DAB1: variants seen among roughly 807,000 people sequenced by gnomAD.
The protein encoded by DAB1 is DAB adaptor protein 1.
Under a neutral mutation model 64.6 loss-of-function variants are expected in DAB1, and 15 were observed. The observed-to-expected ratio is 0.23, with a 90% CI of 0.16 to 0.36. The LOEUF (loss-of-function observed/expected upper bound fraction) is 0.36. Ranked by LOEUF, DAB1 falls within the 10% of genes least tolerant of loss-of-function variation. DAB1 has a pLI of 1.00. For synonymous variants in DAB1, 235 were observed against 251.9 expected (o/e 0.93, Z 0.64); for missense variants, 596 against 706.7 (o/e 0.84, Z 1.78).
chr1:58,049,367 T>C (rs1227051445), intron 5 of DAB1: 3 of 598,554 alleles, frequency 5.0e-6, no homozygotes, highest in Non-Finnish European at 6.0e-6. Flanking sequence ...AGCTGACGAA[T>C]GTATCTTAAC....
At chr1:57,819,278 GA>G (rs1652011300) in intron 6 of DAB1, among the ~76,000 whole-genome samples, 1 of 152,226 alleles carries the variant, frequency 6.6e-6, no homozygotes. Flanking sequence ...TGAAATATAA[GA>G]AAGTGCATCC....
chr1:58,422,671 G>C (rs930737748), intron 3 of DAB1, among the ~76,000 whole-genome samples: 6 of 150,340 alleles, frequency 4.0e-5, no homozygotes, highest in African/African-American at 1.5e-4. Flanking sequence ...GTGGCACCAG[G>C]AGGCAACTAT....
chr1:57,415,246 AACAC>A (rs111517848), intron 1 of DAB1, among the ~76,000 whole-genome samples: 2,229 of 143,312 alleles, frequency 0.016, 61 homozygotes, highest in African/African-American at 0.053. Context: ...TACCTCACAC[AACAC>A]ACACACACAC....
chr1:57,056,860 T>C (rs1033820256), intron 9 of DAB1, among the ~76,000 whole-genome samples: 1 of 151,490 alleles, frequency 6.6e-6, no homozygotes, highest in South Asian at 2.1e-4. Flanking sequence ...CGAGACTCTG[T>C]CTCAAAGGAA....
chr1:58,359,097 C>T (rs1410026514), intron 3 of DAB1, among the ~76,000 whole-genome samples: 4 of 151,988 alleles, frequency 2.6e-5, no homozygotes, highest in Non-Finnish European at 4.4e-5. Flanking sequence ...CATTAGCCAA[C>T]GATTCCATTC....
chr1:57,253,453 A>G (rs1669509746), intron 2 of DAB1, among the ~76,000 whole-genome samples: 1 of 152,100 alleles, frequency 6.6e-6, no homozygotes, highest in African/African-American at 2.4e-5. Flanking sequence ...ATGATGAACC[A>G]ACCCTCCTAA....
intron 6 of DAB1, among the ~76,000 whole-genome samples, chr1:57,695,324 G>GAAAGAAAGA (rs1646816525): frequency 9.1e-6 from 1 of 109,626 alleles, no homozygotes; most frequent in Non-Finnish European, 1.9e-5. Flanking sequence ...AAGAAAGAAA[G>GAAAGAAAGA]AAAGAAAGAA....
intron 1 of DAB1, among the ~76,000 whole-genome samples, chr1:57,873,004 C>T (rs1007919601): frequency 1.3e-5 from 2 of 152,054 alleles, no homozygotes; most frequent in Non-Finnish European, 2.9e-5. Context: ...ACTGAGCCCC[C>T]TGTTCTGATT....
intron 7 of DAB1, among the ~76,000 whole-genome samples, chr1:57,614,866 TTC>T (rs140318102): frequency 0.13 from 14,520 of 111,672 alleles, 1,187 homozygotes; most frequent in East Asian, 0.24. Context: ...CTTTCTTTCT[TTC>T]TTTTTTTTTT....
intron 1 of DAB1, among the ~76,000 whole-genome samples, chr1:57,418,555 T>G (rs1301958603): frequency 6.6e-6 from 1 of 152,236 alleles, no homozygotes; most frequent in South Asian, 2.1e-4. Context: ...CATGCTGAAC[T>G]ACTTACAACT....
At chr1:57,732,180 G>A (rs1189499780) in intron 6 of DAB1, among the ~76,000 whole-genome samples, 3 of 128,302 alleles carry the variant, frequency 2.3e-5, no homozygotes, top group Non-Finnish European at 5.4e-5. Flanking sequence ...AATTATTGTG[G>A]GGGTATCATG....
intron 4 of DAB1, among the ~76,000 whole-genome samples, chr1:58,220,565 G>A (rs1036644740): frequency 1.3e-5 from 2 of 152,132 alleles, no homozygotes; most frequent in Non-Finnish European, 2.9e-5. Context: ...ATTTACAGAT[G>A]TGTAAGTATA....
intron 1 of DAB1, among the ~76,000 whole-genome samples, chr1:57,343,305 G>A (rs61769668): frequency 0.51 from 77,646 of 152,048 alleles, 20,568 homozygotes; most frequent in Non-Finnish European, 0.56. Flanking sequence ...GATATAGAGC[G>A]CCGATTGGTA....
At chr1:57,937,783 C>T (rs889890767) in intron 5 of DAB1, among the ~76,000 whole-genome samples, 1 of 152,206 alleles carries the variant, frequency 6.6e-6, no homozygotes, top group African/African-American at 2.4e-5. Flanking sequence ...CCTCACTGGC[C>T]CTTCCTTACT....
intron 1 of DAB1, among the ~76,000 whole-genome samples, chr1:57,399,658 C>A (rs566457610): frequency 5.3e-5 from 8 of 152,064 alleles, no homozygotes; most frequent in Non-Finnish European, 8.8e-5. Flanking sequence ...TGGTAAGAAG[C>A]CTTCATTTTA....
chr1:58,410,188 G>A (rs931183231), intron 3 of DAB1, among the ~76,000 whole-genome samples: 13 of 152,218 alleles, frequency 8.5e-5, no homozygotes, highest in African/African-American at 3.1e-4. Context: ...CCAGCCCCAT[G>A]AAGGAATTGA....
chr1:57,928,364 A>G (rs539436532), intron 5 of DAB1, among the ~76,000 whole-genome samples: 2 of 151,916 alleles, frequency 1.3e-5, no homozygotes, highest in South Asian at 2.1e-4. Context: ...TATACTCTCC[A>G]CCCCCATACA....
intron 7 of DAB1, among the ~76,000 whole-genome samples, chr1:57,625,312 C>T (rs1161914151): frequency 1.3e-5 from 2 of 152,054 alleles, no homozygotes; most frequent in African/African-American, 4.8e-5. Flanking sequence ...CTGTGTCTCT[C>T]TGTATTTCCT....
intron 5 of DAB1, among the ~76,000 whole-genome samples, chr1:57,943,739 G>C (rs1277281551): frequency 6.6e-6 from 1 of 152,110 alleles, no homozygotes; most frequent in Non-Finnish European, 1.5e-5. Context: ...AAAGCCAAGA[G>C]CAGTTTTATG....
Sources: gnomAD v4.1 joint callset for allele counts (sites outside exome capture counted in the v4.1 genomes callset) on GRCh38, gnomAD v4.1.1 for gene constraint, MANE v1.5 for transcripts, NCBI Gene and HGNC (gene_info 2026-07-23, HGNC 2026-07-21) for gene names.